The following RNF43 variants were observed in gnomAD, a reference collection of about 807,000 sequenced individuals.
RNF43 encodes E3 ubiquitin-protein ligase RNF43.
Under a neutral mutation model 78.4 loss-of-function variants are expected in RNF43, and 37 were observed. The observed-to-expected ratio is 0.47, with a 90% CI of 0.36 to 0.62. RNF43 has a LOEUF of 0.62. Among genes scored for constraint, RNF43 ranks in the 20% least tolerant of loss-of-function variants. The pLI is 0.00. For missense variants in RNF43, 774 were observed against 1,007.9 expected (o/e 0.77, Z 3.14); for synonymous variants, 347 against 395.0 (o/e 0.88, Z 1.44).
At chr17:58,395,132 C>T (rs1377941637) in intron 2 of RNF43, 1 of 152,232 alleles carries the variant, frequency 6.6e-6, no homozygotes, top group Non-Finnish European at 1.5e-5. Context: ...TCACAAGATA[C>T]TACTACAACC....
At chr17:58,368,558 A>G (rs563255518) in intron 3 of RNF43, among the ~76,000 whole-genome samples, 1 of 151,602 alleles carries the variant, frequency 6.6e-6, no homozygotes, top group Non-Finnish European at 1.5e-5. Flanking sequence ...TTAAAAAAAA[A>G]AAAAATTAGC....
intron 2 of RNF43, among the ~76,000 whole-genome samples, chr17:58,376,049 G>A (rs1973198287): frequency 6.6e-6 from 1 of 152,200 alleles, no homozygotes; most frequent in South Asian, 2.1e-4. Context: ...GCCAGTGTGA[G>A]GGGCCTGGAG....
At chr17:58,402,815 G>A (rs1460307832) in intron 2 of RNF43, 1 of 152,098 alleles carries the variant, frequency 6.6e-6, no homozygotes, top group Non-Finnish European at 1.5e-5. Context: ...TACCTGCCAA[G>A]ACCTGAGTTC....
Position 58,357,931 on chromosome 17 carries a change from G to A in RNF43, c.1845C>T (p.Cys615=), listed in dbSNP as rs774246948. The A allele has an allele frequency of 6.2e-7, 1 of 1,613,332 alleles. No homozygotes were observed. The highest frequency in any genetic ancestry group is 1.7e-5 in the Admixed American group (1 of 59,872). ...GGGCTGGCTCAGGGAGGGCCCTGGGGCACTGTGGGTTAGAGAGCCGCCCCG... is the reference window on the plus strand; with the variant it reads ...GGGCTGGCTCAGGGAGGGCCCTGGGACACTGTGGGTTAGAGAGCCGCCCCG... ...APSGRLSNPQ[C]PRALPEPAPG... Residue 615 remains cysteine, a synonymous_variant, in exon 9 of 10, where the codon TGC becomes TGT. Transcript: ENST00000407977. The surrounding 1 kb of genome is among the most constrained non-coding windows in gnomAD (Gnocchi z 4.5).
intron 2 of RNF43, among the ~76,000 whole-genome samples, chr17:58,374,433 C>T (rs1028533348): frequency 6.6e-6 from 1 of 150,708 alleles, no homozygotes; most frequent in African/African-American, 2.5e-5. Context: ...CGCTGTGTCA[C>T]CCAGGCTGGA....
chr17:58,385,988 T>G (rs1567887649), intron 2 of RNF43, among the ~76,000 whole-genome samples: 1 of 152,324 alleles, frequency 6.6e-6, no homozygotes, highest in East Asian at 1.9e-4. Flanking sequence ...CACATGTCTG[T>G]AATCCCAGCT....
chr17:58,375,089 C>G (rs1000825510), intron 2 of RNF43, among the ~76,000 whole-genome samples: 2 of 152,190 alleles, frequency 1.3e-5, no homozygotes, highest in African/African-American at 4.8e-5. Flanking sequence ...TTCTTCCATT[C>G]TCACTATCGC....
At chr17:58,407,621 T>C (rs1264377287) in intron 2 of RNF43, among the ~76,000 whole-genome samples, 1 of 152,176 alleles carries the variant, frequency 6.6e-6, no homozygotes, top group African/African-American at 2.4e-5. Flanking sequence ...AAGTAGCTTA[T>C]CTGTTATTCA....
intron 5 of RNF43, 131 bp from the exon 6 acceptor site, chr17:58,362,779 G>T: frequency 1.6e-6 from 1 of 626,390 alleles, no homozygotes; most frequent in Non-Finnish European, 2.7e-6. Flanking sequence ...TGAGGGGATG[G>T]AGAGGAACCT....
intron 2 of RNF43, among the ~76,000 whole-genome samples, chr17:58,382,151 T>C (rs1973334191): frequency 6.6e-6 from 1 of 152,200 alleles, no homozygotes; most frequent in African/African-American, 2.4e-5. Flanking sequence ...CAATGCTGCA[T>C]TGTGACCCAC....
chr17:58,402,602 TG>T (rs1249105651), intron 2 of RNF43: 1 of 152,206 alleles, frequency 6.6e-6, no homozygotes, highest in Non-Finnish European at 1.5e-5. Context: ...TGCCCCAAAG[TG>T]TAAGAACCAA....
Position 58,360,939 on chromosome 17 carries a change from C to A in RNF43, c.693G>T (p.Pro231=), listed in dbSNP as rs376426806. The change falls in exon 7 of 10, where the codon CCG becomes CCT. Residue 231 remains proline, a synonymous_variant. Transcript: ENST00000407977. This position sits in a 1 kb window ranked among gnomAD's most constrained non-coding sequence, Gnocchi z 4.3. ...RCRPRHSRPD[P]LQQRTAWAIS... ...TGGCCCAGGCTGTTCTCTGCTGAAG[C>A]GGATCCTGGGAAGAGGAATGGGGCT... is the stretch of plus-strand genomic sequence containing the variant. 6.4e-7 allele frequency: 1 copy of A among 1,574,738 alleles called. No homozygotes were observed. The highest frequency in any genetic ancestry group is 8.6e-7 in the Non-Finnish European group (1 of 1,156,100).
intron 9 of RNF43, chr17:58,356,934 C>A: frequency 1.9e-5 from 5 of 259,852 alleles, no homozygotes; most frequent in Admixed American, 5.2e-5. Context: ...CACCCTGTTA[C>A]CCAGGCTGGA....
chr17:58,366,992 A>ATT (rs60382535), intron 3 of RNF43, among the ~76,000 whole-genome samples: 35,766 of 122,654 alleles, frequency 0.29, 6,136 homozygotes, highest in African/African-American at 0.42. Flanking sequence ...GGCCCGGCTA[A>ATT]TTTTTTTTTT....
rs757773095 is a variant in RNF43 at position 58,354,713 on chromosome 17, G to A, written c.*230C>T. The A allele has an allele frequency of 8.9e-6, 5 of 562,910 alleles. No individual in the cohort carries two copies. The highest frequency in any genetic ancestry group is 9.7e-6 in the Non-Finnish European group (3 of 310,038). 34.9% of individuals were successfully genotyped at this position (562,910 alleles called of 1,614,324 possible). On this transcript the variant is annotated 3_prime_UTR_variant, in exon 10 of 10. Coordinates refer to ENST00000407977, the MANE Select transcript of RNF43 (RefSeq NM_017763.6). ...AGCAGCTGGTTGCCTGGCTGGACAT[G>A]GATTTGCTGCACTGCAGATGTTTTC... is the stretch of plus-strand genomic sequence containing the variant.
At chr17:58,409,445 GA>G (rs959112585) in intron 2 of RNF43, among the ~76,000 whole-genome samples, 7 of 151,870 alleles carry the variant, frequency 4.6e-5, no homozygotes, top group African/African-American at 1.7e-4. Flanking sequence ...GGATAAAAGG[GA>G]AAAAAACATT....
chr17:58,381,336 C>G (rs752098512), intron 2 of RNF43, among the ~76,000 whole-genome samples: 2 of 152,196 alleles, frequency 1.3e-5, no homozygotes, highest in Non-Finnish European at 2.9e-5. Context: ...AGGGCTCCAG[C>G]CTGACTGCTG....
At position 58,415,700 on chromosome 17, in the gene RNF43, C is replaced by A; in HGVS notation, c.-123G>T. On this transcript the variant is annotated 5_prime_UTR_variant, in exon 2 of 10. Transcript: ENST00000407977. ...CATTTATGCTTCCGTTTCAGAAAGC[C>A]AAGTCGTAGTTTTGGCCCTTCCTTT... The A allele has an allele frequency of 8.3e-7, 1 of 1,207,800 alleles. No individual in the cohort carries two copies. The highest frequency in any genetic ancestry group is 1.1e-6 in the Non-Finnish European group (1 of 879,358). 74.8% of individuals were successfully genotyped at this position (1,207,800 alleles called of 1,614,324 possible). A position where few individuals can be genotyped will look rare whatever the true frequency, so the allele number is the denominator to read the frequency against.
chr17:58,397,115 C>T (rs2143627280), intron 2 of RNF43, among the ~76,000 whole-genome samples: 2 of 150,254 alleles, frequency 1.3e-5, no homozygotes, highest in South Asian at 4.2e-4. Context: ...AAGAAAACCA[C>T]TGAAAACCTA....
Sources: allele counts gnomAD v4.1 joint callset (sites outside exome capture counted in the v4.1 genomes callset), GRCh38; gene constraint gnomAD v4.1.1; non-coding constraint Gnocchi (gnomAD v3.1); transcripts MANE v1.5; gene names NCBI Gene and HGNC (gene_info 2026-07-23, HGNC 2026-07-21).